BRWD1: variants seen among roughly 807,000 people sequenced by gnomAD.
BRWD1 encodes the protein bromodomain and WD repeat-containing protein 1.
A neutral mutation model predicts 251.2 loss-of-function variants in BRWD1; 82 were observed. The observed-to-expected ratio is 0.33, with a 90% CI of 0.27 to 0.39. The LOEUF is 0.39. BRWD1 is among the 10% of genes least tolerant of loss of function. The probability of loss-of-function intolerance (pLI) is 1.00; values close to 1 mark genes in which losing one functional copy is unlikely to be tolerated. For missense variants in BRWD1, 2,233 were observed against 2,711.6 expected (o/e 0.82, Z 3.92); for synonymous variants, 918 against 902.8 (o/e 1.02, Z -0.30).
intron 8 of BRWD1, among the ~76,000 whole-genome samples, chr21:39,284,024 G>C (rs904078954): frequency 6.6e-6 from 1 of 152,114 alleles, no homozygotes; most frequent in Non-Finnish European, 1.5e-5. Flanking sequence ...CATTTTGAGT[G>C]ACTACCTAGT....
chr21:39,304,506 C>G (rs895671914), intron 4 of BRWD1, among the ~76,000 whole-genome samples: 1 of 151,776 alleles, frequency 6.6e-6, no homozygotes, highest in Non-Finnish European at 1.5e-5. Flanking sequence ...CTCAGCTACT[C>G]AGGAGGCTGA....
intron 32 of BRWD1, among the ~76,000 whole-genome samples, chr21:39,214,070 C>G (rs1442376550): frequency 6.6e-6 from 1 of 151,894 alleles, no homozygotes; most frequent in African/African-American, 2.4e-5. Flanking sequence ...GAAGTAAGAA[C>G]AAGAAGGTGA....
rs772878068 is a variant in BRWD1 at position 39,196,508 on chromosome 21, T to C, written c.6561A>G (p.Val2187=). The stretch of plus-strand genomic sequence containing the variant: ...CTGTAAAAGTTTTACCTTTTCTAAC[T>C]ACTTTTGCTTTTCCTTTCGTTTTCC... ...KRRKTKGKAK[V]VRKGKTFTAN... The change falls in exon 41 of 41, where the codon GTA becomes GTG. Residue 2187 remains valine (V), a synonymous_variant. Coordinates refer to ENST00000342449, the MANE Select transcript of BRWD1 (RefSeq NM_033656.4). The C allele has an allele frequency of 6.2e-7, 1 of 1,613,572 alleles. No individual in the cohort carries two copies. The highest frequency in any genetic ancestry group is 1.7e-5 in the Admixed American group (1 of 59,938).
intron 11 of BRWD1, 32 bp downstream of exon 11, chr21:39,277,219 A>T (rs1321666255): frequency 6.7e-7 from 1 of 1,489,488 alleles, no homozygotes. Context: ...ATTAACAATT[A>T]ATCTAAAGGA....
chr21:39,285,108 C>T (rs943160776), intron 8 of BRWD1, among the ~76,000 whole-genome samples: 4 of 152,270 alleles, frequency 2.6e-5, no homozygotes, highest in African/African-American at 7.2e-5. Context: ...AAAGAAAATG[C>T]CGTGTGTCCG....
At position 39,298,594 on chromosome 21, in the gene BRWD1, G is replaced by A; in HGVS notation, c.199-12C>T. 2 of 1,571,532 alleles carry A rather than the reference G, an allele frequency of 1.3e-6. No individual in the cohort carries two copies. The highest frequency in any genetic ancestry group is 1.7e-6 in the Non-Finnish European group (2 of 1,163,336). On this transcript the variant is annotated splice_polypyrimidine_tract_variant and intron_variant, in intron 4 of 40. Transcript: ENST00000342449. ...TTATTGGACAAGACCTAGTTGGAGA[G>A]CAAGTTTTAATGACAACAGCTTAAT...
At chr21:39,222,393 C>A (rs1032018800) in intron 29 of BRWD1, among the ~76,000 whole-genome samples, 1 of 152,134 alleles carries the variant, frequency 6.6e-6, no homozygotes, top group Admixed American at 6.5e-5. Context: ...ATCAAACAGG[C>A]CATGGCCCCT....
intron 36 of BRWD1, among the ~76,000 whole-genome samples, chr21:39,208,116 T>C (rs2032491719): frequency 6.6e-6 from 1 of 152,186 alleles, no homozygotes; most frequent in Non-Finnish European, 1.5e-5. Context: ...AAATGGCAAA[T>C]GTTATGTTAT....
intron 19 of BRWD1, among the ~76,000 whole-genome samples, chr21:39,253,153 G>A (rs909542078): frequency 6.6e-6 from 1 of 152,036 alleles, no homozygotes; most frequent in Admixed American, 6.6e-5. Context: ...GCCGGGTGTG[G>A]TGACCCATGA....
At chr21:39,218,356 G>A (rs1403598051) in intron 30 of BRWD1, 84 bp from the exon 31 acceptor site, 2 of 1,492,738 alleles carry the variant, frequency 1.3e-6, no homozygotes, top group Non-Finnish European at 1.8e-6. Context: ...CATAAGATAT[G>A]GCTACATTTA....
chr21:39,305,090 G>C (rs1468910842), intron 4 of BRWD1, among the ~76,000 whole-genome samples: 1 of 151,570 alleles, frequency 6.6e-6, no homozygotes, highest in African/African-American at 2.4e-5. Flanking sequence ...CTCCCAAGTA[G>C]CTGGGACTAC....
At chr21:39,307,186 A>G (rs1385301461) in intron 4 of BRWD1, among the ~76,000 whole-genome samples, 1 of 152,184 alleles carries the variant, frequency 6.6e-6, no homozygotes, top group African/African-American at 2.4e-5. Flanking sequence ...AATATTTTAT[A>G]CCACTTACAC....
At position 39,195,774 on chromosome 21, in the gene BRWD1, C is replaced by T; in HGVS notation, c.*485G>A. On this transcript the variant is annotated 3_prime_UTR_variant, in exon 41 of 41. Transcript: ENST00000342449. ...AAAAAAGTGGTAGGTACCTCGCCTA[C>T]TAATCATGGTTACACCTCCCATGAT... The T allele has an allele frequency of 1.0e-6, 1 of 984,842 alleles. No individual in the cohort carries two copies. Among genetic ancestry groups the T allele is most frequent in the Non-Finnish European group, 1.2e-6 (1 of 829,540 alleles). The allele number at this position is 984,842 out of a possible 1,614,324, so 61.0% of individuals were successfully genotyped here.
chr21:39,206,703 T>C (rs533698325), intron 36 of BRWD1, among the ~76,000 whole-genome samples: 1 of 152,346 alleles, frequency 6.6e-6, no homozygotes, highest in East Asian at 1.9e-4. Flanking sequence ...TACCCATCTC[T>C]GTCTGCAATC....
In BRWD1 at chr21:39,307,633, G is replaced by C. The variant is rs572750153; in HGVS notation, c.198+5208C>G. Among the ~76,000 whole-genome samples the C allele has an allele frequency of 2.6e-5, 4 of 152,296 alleles. No homozygotes were observed. In the South Asian group the frequency reaches 6.2e-4, roughly 24 times the overall value. On this transcript the variant is annotated intron_variant, in intron 4 of 40. Coordinates refer to ENST00000342449, the MANE Select transcript of BRWD1 (RefSeq NM_033656.4). The stretch of plus-strand genomic sequence containing the variant: ...AGTACTCTACAGGATTAAGGAATCA[G>C]GTTATGATAGAAGATTATAGGCTAT...
At chr21:39,220,468 T>C (rs2033132372) in intron 29 of BRWD1, among the ~76,000 whole-genome samples, 1 of 152,200 alleles carries the variant, frequency 6.6e-6, no homozygotes, top group African/African-American at 2.4e-5. Context: ...AAAGATAAAA[T>C]TGTTTCCGAC....
intron 17 of BRWD1, among the ~76,000 whole-genome samples, chr21:39,261,597 T>C (rs1010045638): frequency 3.1e-4 from 47 of 152,218 alleles, no homozygotes; most frequent in African/African-American, 1.1e-3. Flanking sequence ...GTTATGAAGA[T>C]GGCTGTGACC....
At chr21:39,262,471 C>T (rs1568927927) in intron 17 of BRWD1, among the ~76,000 whole-genome samples, 1 of 152,194 alleles carries the variant, frequency 6.6e-6, no homozygotes, top group Admixed American at 6.5e-5. Context: ...AATCCCACCA[C>T]TTTGGGAGGC....
chr21:39,191,292 T>C lies in BRWD1; in HGVS notation c.*4967A>G. 2.0e-6 allele frequency: 2 copies of C among 985,266 alleles called. No homozygotes were observed. Among genetic ancestry groups the C allele is most frequent in the Non-Finnish European group, 2.4e-6 (2 of 829,888 alleles). 61.0% of individuals were successfully genotyped at this position (985,266 alleles called of 1,614,324 possible). ...GTAAAACTCACAGCGCTCGCACCCC[T>C]ATATTCTGCCTGCATGAAAAGAAAT... On this transcript the variant is annotated 3_prime_UTR_variant, in exon 41 of 41. Coordinates refer to ENST00000342449, the MANE Select transcript of BRWD1 (RefSeq NM_033656.4).
Sources: gnomAD v4.1 joint callset for allele counts (sites outside exome capture counted in the v4.1 genomes callset) on GRCh38, gnomAD v4.1.1 for gene constraint, MANE v1.5 for transcripts, NCBI Gene and HGNC (gene_info 2026-07-23, HGNC 2026-07-21) for gene names.